The following VWA8 variants were observed in gnomAD, a reference collection of about 807,000 sequenced individuals.
VWA8 encodes von Willebrand factor A domain-containing protein 8.
VWA8 carries 221 observed loss-of-function variants against 241.5 expected under a neutral mutation model. The observed-to-expected ratio is 0.91, with a 90% CI of 0.82 to 1.02. The LOEUF is 1.02. VWA8 is among the 50% of genes least tolerant of loss of function. VWA8 has a pLI of 0.00. For missense variants in VWA8, 2,322 were observed against 2,328.7 expected (o/e 1.00, Z 0.06); for synonymous variants, 852 against 827.1 (o/e 1.03, Z -0.52).
chr13:41,930,527 T>A (rs1316523881), intron 2 of VWA8, among the ~76,000 whole-genome samples: 1 of 152,136 alleles, frequency 6.6e-6, no homozygotes, highest in Non-Finnish European at 1.5e-5. Flanking sequence ...AATCCCAAAA[T>A]CATTAATTCA....
At chr13:41,592,114 C>T (rs1325266831) in intron 40 of VWA8, among the ~76,000 whole-genome samples, 16 of 150,394 alleles carry the variant, frequency 1.1e-4, no homozygotes, top group Admixed American at 4.0e-4. Flanking sequence ...GGCACATATA[C>T]ACCATGGAAT....
intron 17 of VWA8, among the ~76,000 whole-genome samples, chr13:41,792,000 T>C (rs1869482247): frequency 6.6e-6 from 1 of 151,828 alleles, no homozygotes; most frequent in Non-Finnish European, 1.5e-5. Flanking sequence ...TACATTCCTC[T>C]CCATTCATAA....
chr13:41,634,569 G>C (rs1330939440), intron 37 of VWA8, among the ~76,000 whole-genome samples: 1 of 152,174 alleles, frequency 6.6e-6, no homozygotes, highest in African/African-American at 2.4e-5. Flanking sequence ...GTGTTTGAGT[G>C]TGTGGGAGTT....
chr13:41,854,238 A>C (rs1420027139), intron 12 of VWA8, among the ~76,000 whole-genome samples: 1 of 152,154 alleles, frequency 6.6e-6, no homozygotes, highest in Admixed American at 6.5e-5. Flanking sequence ...CCTTTGGTTA[A>C]AATTTTAAAA....
intron 6 of VWA8, 78 bp downstream of exon 6, chr13:41,887,119 A>C: frequency 6.7e-7 from 1 of 1,496,602 alleles, no homozygotes; most frequent in Admixed American, 2.4e-5. Context: ...AAACTGCAGT[A>C]ACATTTTTAT....
At chr13:41,849,831 G>A (rs1872453699) in intron 12 of VWA8, among the ~76,000 whole-genome samples, 1 of 151,902 alleles carries the variant, frequency 6.6e-6, no homozygotes, top group South Asian at 2.1e-4. Context: ...AGGTTGCAGT[G>A]AGCCAAGATC....
intron 9 of VWA8, among the ~76,000 whole-genome samples, chr13:41,873,791 T>C (rs1873761294): frequency 6.6e-6 from 1 of 152,002 alleles, no homozygotes; most frequent in Admixed American, 6.6e-5. Flanking sequence ...CTGAAACTAT[T>C]CCAATCAATA....
intron 37 of VWA8, among the ~76,000 whole-genome samples, chr13:41,651,588 AAATG>A (rs2044869643): frequency 6.6e-6 from 1 of 152,260 alleles, no homozygotes; most frequent in African/African-American, 2.4e-5. Context: ...GACAATACAT[AAATG>A]AATGAGTGTA....
At position 41,725,023 on chromosome 13, in the gene VWA8, T is replaced by C. The variant is rs1459402599; in HGVS notation, c.2758+2171A>G. 2.0e-5 allele frequency among the ~76,000 whole-genome samples: 3 copies of C among 152,132 alleles called. No individual in the cohort carries two copies. In the East Asian group the frequency reaches 5.8e-4, roughly 29 times the overall value. The stretch of plus-strand genomic sequence containing the variant: ...TGGGCTTTTTCTAACCACATTCAGC[T>C]GCACATGTGTAGGTTCAATGTTGTT... On this transcript the variant is annotated intron_variant, in intron 24 of 44. Coordinates refer to ENST00000379310, the MANE Select transcript of VWA8 (RefSeq NM_015058.2).
rs2044266402 is a variant in VWA8 at position 41,567,112 on chromosome 13, A to G, written c.*1085T>C. 6.6e-6 allele frequency: 1 copy of G among 152,204 alleles called. No homozygotes were observed. Among genetic ancestry groups the G allele is most frequent in the Non-Finnish European group, 1.5e-5 (1 of 68,022 alleles). 9.4% of individuals were successfully genotyped at this position (152,204 alleles called of 1,614,324 possible). ...TTTAAATTATATGGTTAAAGAGAGAATGACTTTTGCTGAAGCATCTTATTT... is the reference window on the plus strand; with the variant it reads ...TTTAAATTATATGGTTAAAGAGAGAGTGACTTTTGCTGAAGCATCTTATTT... On this transcript the variant is annotated 3_prime_UTR_variant, in exon 45 of 45. Transcript: ENST00000379310.
intron 35 of VWA8, among the ~76,000 whole-genome samples, chr13:41,683,136 AATGTTC>A (rs2045111905): frequency 6.6e-6 from 1 of 152,158 alleles, no homozygotes; most frequent in Non-Finnish European, 1.5e-5. Context: ...CCTGCCCACA[AATGTTC>A]ATAGTGGCCT....
rs138078490 is a variant in VWA8 at position 41,721,652 on chromosome 13, T to A, written c.2759-77A>T. 8 of 1,447,236 alleles carry A rather than the reference T, an allele frequency of 5.5e-6. No homozygotes were observed. In the African/African-American group the frequency reaches 1.1e-4, roughly 20 times the overall value. The allele number at this position is 1,447,236 out of a possible 1,614,324, so 89.6% of individuals were successfully genotyped here. A position where few individuals can be genotyped will look rare whatever the true frequency, so the allele number is the denominator to read the frequency against. On this transcript the variant is annotated intron_variant, in intron 24 of 44. Transcript: ENST00000379310. Reference sequence around the variant, plus strand: ...TCACAGGAAAAAATGGAATGGTTGTTTAAAGAGCCACTGGTTGCTCATCAA... The same window carrying A: ...TCACAGGAAAAAATGGAATGGTTGTATAAAGAGCCACTGGTTGCTCATCAA...
intron 37 of VWA8, among the ~76,000 whole-genome samples, chr13:41,618,198 T>C (rs181696179): frequency 2.6e-5 from 4 of 152,354 alleles, no homozygotes; most frequent in East Asian, 1.9e-4. Context: ...TATACCATTG[T>C]GGTTTTGATT....
chr13:41,819,147 G>A, intron 15 of VWA8, 71 bp downstream of exon 15: 1 of 1,455,288 alleles, frequency 6.9e-7, no homozygotes, highest in Non-Finnish European at 9.2e-7. Flanking sequence ...CTCTACTTTG[G>A]CATGTATCAG....
Position 41,720,733 on chromosome 13 carries a change from G to C in VWA8, c.2964+637C>G, listed in dbSNP as rs548531627. 4.6e-5 allele frequency among the ~76,000 whole-genome samples: 7 copies of C among 152,164 alleles called. No homozygotes were observed. In the South Asian group the frequency reaches 1.0e-3, roughly 23 times the overall value. ...CCCCACCTTTCTACTTTTCTTTCTA[G>C]GGTTTTCTTGGAGGGTTGGGGATAA... is the stretch of plus-strand genomic sequence containing the variant. On this transcript the variant is annotated intron_variant, in intron 25 of 44. Coordinates refer to ENST00000379310, the MANE Select transcript of VWA8 (RefSeq NM_015058.2).
In VWA8 at chr13:41,682,167, T is replaced by C. The variant is rs144426990; in HGVS notation, c.4327+2880A>G. 7.2e-5 allele frequency among the ~76,000 whole-genome samples: 11 copies of C among 152,226 alleles called. No homozygotes were observed. The East Asian group carries it at 7.7e-4, about 11-fold the overall frequency. On this transcript the variant is annotated intron_variant, in intron 35 of 44. Transcript: ENST00000379310. ...AGAGAGTACGGTATTAGTAAAGGGA[T>C]AGACACATAGACCAATGGAACACAA...
chr13:41,889,019 T>C (rs1256723392), intron 5 of VWA8, among the ~76,000 whole-genome samples: 1 of 152,210 alleles, frequency 6.6e-6, no homozygotes, highest in African/African-American at 2.4e-5. Context: ...AAATAAAATA[T>C]AAAGTTCATA....
intron 39 of VWA8, among the ~76,000 whole-genome samples, chr13:41,610,943 C>T (rs1024673900): frequency 6.6e-6 from 1 of 152,120 alleles, no homozygotes; most frequent in African/African-American, 2.4e-5. Flanking sequence ...ACTGATGAGG[C>T]CTCCCTATCC....
At chr13:41,872,982 T>C (rs1873710057) in intron 9 of VWA8, among the ~76,000 whole-genome samples, 1 of 152,178 alleles carries the variant, frequency 6.6e-6, no homozygotes, top group African/African-American at 2.4e-5. Context: ...TTTTATTTCA[T>C]TGAGCAGTGG....
Sources: gnomAD v4.1 joint callset for allele counts (sites outside exome capture counted in the v4.1 genomes callset) on GRCh38, gnomAD v4.1.1 for gene constraint, MANE v1.5 for transcripts, NCBI Gene and HGNC (gene_info 2026-07-23, HGNC 2026-07-21) for gene names.